AVEN: variants seen among roughly 807,000 people sequenced by gnomAD.
AVEN encodes cell death regulator Aven.
In AVEN, 41 loss-of-function variants were observed where a neutral mutation model predicts 38.1. That is an observed-to-expected ratio of 1.08 (90% CI 0.84 to 1.40). The LOEUF (loss-of-function observed/expected upper bound fraction) is 1.40. Among genes scored for constraint, AVEN ranks in the 40% most tolerant of loss-of-function variants. AVEN has a pLI of 0.00. For missense variants in AVEN, 605 were observed against 438.8 expected (o/e 1.38, Z -3.38); for synonymous variants, 206 against 171.8 (o/e 1.20, Z -1.56).
Position 33,867,756 on chromosome 15 carries a change from TTCC to T in AVEN, c.709_711del (p.Gly237del), listed in dbSNP as rs1392296140. ...GATTTCAGCTCAAAGATGGGCCCCC[TTCC>T]TCCAGGCCCCAAGGGCCCCTTTAAC... On this transcript the variant is annotated inframe_deletion, in exon 5 of 6. Transcript: ENST00000306730. The T allele has an allele frequency of 6.2e-7, 1 of 1,614,040 alleles. No homozygotes were observed. The highest frequency in any genetic ancestry group is 1.3e-5 in the African/African-American group (1 of 74,916).
At position 34,038,906 on chromosome 15, in the gene AVEN, TCCGTCC is replaced by T. The variant is rs1458371098; in HGVS notation, c.135_140del (p.Asp46_Gly47del). The T allele has an allele frequency of 3.6e-6, 4 of 1,116,458 alleles. No individual in the cohort carries two copies. In the African/African-American group the frequency reaches 7.2e-5, roughly 20 times the overall value. 69.2% of individuals were successfully genotyped at this position (1,116,458 alleles called of 1,614,324 possible). Reference sequence around the variant, plus strand: ...CACGGCCACGGCCCCGGCGTCCGCCTCCGTCCCCGCCGCCGCCTCCGCCGCCGCCTC... The same window carrying T: ...CACGGCCACGGCCCCGGCGTCCGCCTCCGCCGCCGCCTCCGCCGCCGCCTC... On this transcript the variant is annotated inframe_deletion, in exon 1 of 6. Transcript: ENST00000306730.
intron 2 of AVEN, among the ~76,000 whole-genome samples, chr15:33,949,149 G>A (rs7164112): frequency 0.22 from 33,899 of 151,886 alleles, 4,572 homozygotes; most frequent in African/African-American, 0.37. Flanking sequence ...TCAGCCTCCC[G>A]AGTAGCTGGG....
intron 1 of AVEN, among the ~76,000 whole-genome samples, chr15:34,028,247 T>C (rs536753092): frequency 2.0e-4 from 31 of 152,250 alleles, no homozygotes; most frequent in African/African-American, 7.2e-4. Context: ...AATGAGTATA[T>C]AGTTTGCATC....
At chr15:34,058,471 GGA>G (rs544211557) in intron 5 of AVEN, among the ~76,000 whole-genome samples, 1 of 150,532 alleles carries the variant, frequency 6.6e-6, no homozygotes, top group South Asian at 2.1e-4. Context: ...TGAGAAATCA[GGA>G]GAGAGAGAGA....
chr15:33,937,825 C>G (rs1040007170), intron 2 of AVEN, among the ~76,000 whole-genome samples: 17 of 150,178 alleles, frequency 1.1e-4, no homozygotes, highest in African/African-American at 4.1e-4. Flanking sequence ...GTACCTTGAT[C>G]ATAGACTTCC....
chr15:33,938,836 T>G (rs1894201468), intron 2 of AVEN, among the ~76,000 whole-genome samples: 1 of 151,884 alleles, frequency 6.6e-6, no homozygotes, highest in Admixed American at 6.6e-5. Flanking sequence ...CTTTCTTCCT[T>G]TTTTTTTGTG....
Position 34,053,329 on chromosome 15 carries a change from T to A in AVEN, n.1637+9593A>T, listed in dbSNP as rs1364624840. 3.8e-5 allele frequency among the ~76,000 whole-genome samples: 5 copies of A among 132,532 alleles called. No homozygotes were observed. In the Admixed American group the frequency reaches 3.9e-4, roughly 10 times the overall value. 86.9% of individuals were successfully genotyped at this position (132,532 alleles called of 152,430 possible). On this transcript the variant is annotated intron_variant and non_coding_transcript_variant, in intron 5 of 11. Transcript: ENST00000675287. ...AAAAAAAAAAAAAAAAATATATATA[T>A]ATATATATATATATGGAACTGAAAA...
intron 1 of AVEN, among the ~76,000 whole-genome samples, chr15:34,012,610 G>A (rs6495448): frequency 0.28 from 42,910 of 151,988 alleles, 7,500 homozygotes; most frequent in African/African-American, 0.49. Context: ...TTATCTACCA[G>A]CGTAAGTCTG....
chr15:33,867,877 T>C lies in AVEN; in HGVS notation c.613-22A>G, dbSNP rs1197543451. The C allele has an allele frequency of 3.3e-6, 5 of 1,536,864 alleles. No individual in the cohort carries two copies. The African/African-American group carries it at 7.0e-5, about 21-fold the overall frequency. ...TACCCTGAAAGAGAAGTATAAAAAC[T>C]GAGTTAAAAATGTGAGTCTTGCCAT... On this transcript the variant is annotated intron_variant, in intron 4 of 5. Transcript: ENST00000306730.
intron 5 of AVEN, among the ~76,000 whole-genome samples, chr15:34,049,471 T>G (rs1003618940): frequency 2.6e-5 from 4 of 152,142 alleles, no homozygotes; most frequent in Non-Finnish European, 4.4e-5. Flanking sequence ...TGAAGACTAT[T>G]TTTCTGAAAT....
downstream of AVEN, chr15:33,858,161 C>T (rs2079902785): frequency 1.3e-5 from 6 of 471,772 alleles, no homozygotes; most frequent in East Asian, 2.0e-4. Context: ...AAGCACCCTG[C>T]ACAGTGGCGT....
At chr15:34,074,142 TG>T (rs1191562519) in intron 1 of AVEN, among the ~76,000 whole-genome samples, 1 of 150,892 alleles carries the variant, frequency 6.6e-6, no homozygotes, top group African/African-American at 2.4e-5. Flanking sequence ...GGACCACAGG[TG>T]CACGCCACCA....
Position 34,003,263 on chromosome 15 carries a change from T to C in AVEN, c.268-54A>G, listed in dbSNP as rs975345712. ...TAAGCAGTGGAAATCCTGACCTTAG[T>C]AGACTTCCCAGTAAAACAAAAAAGT... On this transcript the variant is annotated intron_variant, in intron 1 of 5. Transcript: ENST00000306730. 5.2e-6 allele frequency: 8 copies of C among 1,552,076 alleles called. No individual in the cohort carries two copies. In the Middle Eastern group the frequency reaches 5.1e-4, roughly 100 times the overall value.
chr15:33,953,061 C>G (rs1894813918), intron 2 of AVEN, among the ~76,000 whole-genome samples: 1 of 151,958 alleles, frequency 6.6e-6, no homozygotes. Context: ...AATAAAATAC[C>G]TAGGAATACA....
intron 2 of AVEN, among the ~76,000 whole-genome samples, chr15:33,979,765 G>A (rs1208577131): frequency 6.6e-6 from 1 of 152,152 alleles, no homozygotes; most frequent in East Asian, 1.9e-4. Context: ...GCATCCTCAG[G>A]AATCGTAAAG....
rs114688972 is a variant in AVEN, at chr15:33,940,041, G to A, written c.445+62991C>T. ...AAAGACAGAGCAAAAAGATACTCTC[G>A]AGGAACCATGAAGCAGGCCCTCAGC... On this transcript the variant is annotated intron_variant, in intron 2 of 5. Coordinates refer to ENST00000306730, the MANE Select transcript of AVEN (RefSeq NM_020371.3). Among the ~76,000 whole-genome samples the A allele has an allele frequency of 9.8e-3, 1,498 of 152,188 alleles. 22 individuals are homozygous for A. Among genetic ancestry groups the A allele is most frequent in the African/African-American group, 0.034 (1,422 of 41,520 alleles).
At chr15:33,859,751 T>C (rs756460027) in intron 11 of AVEN, 36 of 1,595,640 alleles carry the variant, frequency 2.3e-5, no homozygotes, top group Non-Finnish European at 2.3e-5. Flanking sequence ...CCAATTGTGT[T>C]GAGTATGAAC....
chr15:34,009,753 C>T (rs576309063), intron 1 of AVEN, among the ~76,000 whole-genome samples: 3 of 152,040 alleles, frequency 2.0e-5, no homozygotes, highest in Admixed American at 6.5e-5. Flanking sequence ...TTTGGGAGGC[C>T]AAGGTAGGGA....
chr15:33,987,511 T>C (rs1896528914), intron 2 of AVEN, among the ~76,000 whole-genome samples: 1 of 152,082 alleles, frequency 6.6e-6, no homozygotes, highest in Admixed American at 6.6e-5. Context: ...TCCACTCTCC[T>C]CCCCAGCTGC....
Sources: gnomAD v4.1 joint callset for allele counts (sites outside exome capture counted in the v4.1 genomes callset) on GRCh38, gnomAD v4.1.1 for gene constraint, MANE v1.5 for transcripts, NCBI Gene and HGNC (gene_info 2026-07-23, HGNC 2026-07-21) for gene names.